Variants in CDK5RAP2 observed in about 807,000 individuals in gnomAD.
The protein encoded by CDK5RAP2 is CDK5 regulatory subunit associated protein 2.
In CDK5RAP2, 147 loss-of-function variants were observed where a neutral mutation model predicts 232.9. The ratio of observed to expected loss-of-function variants is 0.63; its 90% CI spans 0.55 to 0.72. The LOEUF is 0.72. CDK5RAP2 is among the 30% of genes least tolerant of loss of function. The pLI is 0.00. For synonymous variants in CDK5RAP2, 833 were observed against 833.7 expected, an observed-to-expected ratio of 1.00 and a Z score of 0.01; for missense variants, 2,195 against 2,231.5, an observed-to-expected ratio of 0.98 and a Z score of 0.33.
At chr9:120,446,265 T>A (rs2036182765) in intron 22 of CDK5RAP2, among the ~76,000 whole-genome samples, 1 of 152,204 alleles carries the variant, frequency 6.6e-6, no homozygotes, top group African/African-American at 2.4e-5. Flanking sequence ...TCCTACTTTT[T>A]TTTTTTGAGA....
intron 23 of CDK5RAP2, chr9:120,440,219 T>C: frequency 1.8e-6 from 1 of 553,892 alleles, no homozygotes; most frequent in East Asian, 3.1e-5. Flanking sequence ...GTGACTGTTC[T>C]AAAAAGTAAT....
At chr9:120,401,150 T>C (rs1436847665) in intron 34 of CDK5RAP2, 3 of 462,106 alleles carry the variant, frequency 6.5e-6, no homozygotes, top group Non-Finnish European at 1.2e-5. Flanking sequence ...TAACTACAGT[T>C]ACTACTCCAA....
At chr9:120,579,573 C>A (rs1445466259) in intron 1 of CDK5RAP2, among the ~76,000 whole-genome samples, 1 of 152,200 alleles carries the variant, frequency 6.6e-6, no homozygotes, top group Non-Finnish European at 1.5e-5. Context: ...CCAGAAGGAA[C>A]CATCAGGTGC....
chr9:120,412,323 C>T (rs1334732513), intron 28 of CDK5RAP2, among the ~76,000 whole-genome samples: 1 of 152,204 alleles, frequency 6.6e-6, no homozygotes, highest in African/African-American at 2.4e-5. Context: ...CCTCCCTGTC[C>T]TCCACACTCA....
At chr9:120,464,808 A>G (rs1164870422) in intron 18 of CDK5RAP2, among the ~76,000 whole-genome samples, 1 of 152,228 alleles carries the variant, frequency 6.6e-6, no homozygotes, top group African/African-American at 2.4e-5. Context: ...TGCATACCAT[A>G]TGCCAGAACT....
intron 3 of CDK5RAP2, among the ~76,000 whole-genome samples, chr9:120,562,642 C>T (rs1206724920): frequency 6.6e-6 from 1 of 151,948 alleles, no homozygotes; most frequent in African/African-American, 2.4e-5. Context: ...CTTAGCCTCA[C>T]CTTGCCCTCA....
intron 14 of CDK5RAP2, among the ~76,000 whole-genome samples, chr9:120,479,077 T>C (rs1346176616): frequency 6.6e-6 from 1 of 152,086 alleles, no homozygotes; most frequent in African/African-American, 2.4e-5. Flanking sequence ...TTGGAAAGGC[T>C]CCCACAAGCC....
intron 16 of CDK5RAP2, among the ~76,000 whole-genome samples, chr9:120,470,566 A>T (rs1047286743): frequency 1.3e-5 from 2 of 152,152 alleles, no homozygotes; most frequent in South Asian, 4.1e-4. Flanking sequence ...TGAGGGACTG[A>T]TTCTGTTTAG....
intron 12 of CDK5RAP2, among the ~76,000 whole-genome samples, chr9:120,506,438 C>A (rs2039816182): frequency 6.6e-6 from 1 of 152,226 alleles, no homozygotes; most frequent in African/African-American, 2.4e-5. Flanking sequence ...ATCCATTCCG[C>A]AACCCACAGA....
chr9:120,575,341 C>T (rs2042994916), intron 1 of CDK5RAP2, among the ~76,000 whole-genome samples: 2 of 152,178 alleles, frequency 1.3e-5, no homozygotes. Context: ...GCGTGAGCCA[C>T]CGCGCCCAGC....
intron 9 of CDK5RAP2, 91 bp from the exon 10 acceptor site, chr9:120,528,016 T>C: frequency 6.9e-7 from 1 of 1,454,628 alleles, no homozygotes; most frequent in Non-Finnish European, 9.5e-7. Context: ...TCAAATGCAG[T>C]TATTCTATCT....
At chr9:120,448,396 G>T (rs2036309768) in intron 21 of CDK5RAP2, among the ~76,000 whole-genome samples, 1 of 152,114 alleles carries the variant, frequency 6.6e-6, no homozygotes, top group Non-Finnish European at 1.5e-5. Context: ...TCCATAAATG[G>T]CAGTTCTTCT....
Position 120,471,741 on chromosome 9 carries a change from T to C in CDK5RAP2, c.1858+7A>G. 6.2e-7 allele frequency: 1 copy of C among 1,614,034 alleles called. No individual in the cohort carries two copies. The highest frequency in any genetic ancestry group is 1.7e-4 in the Middle Eastern group (1 of 6,060). ...CCAAAGAGAAGCACATAGAATAAAG[T>C]GTGTACCTTCCCGCCTCCGAATTTC... On this transcript the variant is annotated splice_region_variant and intron_variant, in intron 16 of 37. Coordinates refer to ENST00000349780, the MANE Select transcript of CDK5RAP2 (RefSeq NM_018249.6).
chr9:120,401,942 C>T (rs1307970729), intron 34 of CDK5RAP2, among the ~76,000 whole-genome samples: 1 of 151,932 alleles, frequency 6.6e-6, no homozygotes, highest in African/African-American at 2.4e-5. Context: ...CAAGATCGCA[C>T]CACTGAACTC....
At chr9:120,541,835 C>A (rs1377051921) in intron 5 of CDK5RAP2, among the ~76,000 whole-genome samples, 1 of 152,206 alleles carries the variant, frequency 6.6e-6, no homozygotes, top group Non-Finnish European at 1.5e-5. Context: ...TAGCTCCCTC[C>A]CTCGACCCTT....
In CDK5RAP2 at chr9:120,415,155, T is replaced by C; in HGVS notation, c.4182A>G (p.Leu1394=). The C allele has an allele frequency of 1.2e-6, 2 of 1,614,036 alleles. No individual in the cohort carries two copies. Among genetic ancestry groups the C allele is most frequent in the African/African-American group, 1.3e-5 (1 of 75,066 alleles). ...SVMVNSFSQD[L]LMEHIQEIRT... ...GAATTTCCTGTATGTGTTCCATTAGTAAGTCTACAGGAAGGAAGCCATTTT... is the reference window on the plus strand; with the variant it reads ...GAATTTCCTGTATGTGTTCCATTAGCAAGTCTACAGGAAGGAAGCCATTTT... The change falls in exon 28 of 38, where the codon TTA becomes TTG. Residue 1394 remains leucine (L), a synonymous_variant. Coordinates refer to ENST00000349780, the MANE Select transcript of CDK5RAP2 (RefSeq NM_018249.6).
intron 19 of CDK5RAP2, 93 bp from the exon 20 acceptor site, chr9:120,458,715 G>A (rs1007692127): frequency 1.7e-5 from 20 of 1,154,732 alleles, no homozygotes; most frequent in South Asian, 1.2e-4. Flanking sequence ...AAGTGAGTAA[G>A]TGAAAATAAG....
chr9:120,566,699 G>A (rs1435007934), intron 3 of CDK5RAP2, among the ~76,000 whole-genome samples: 2 of 152,232 alleles, frequency 1.3e-5, no homozygotes, highest in East Asian at 3.8e-4. Flanking sequence ...GTACAGAGAG[G>A]TTAAGTGACC....
chr9:120,528,704 C>A (rs754023964), intron 9 of CDK5RAP2, 40 bp downstream of exon 9: 2 of 1,303,604 alleles, frequency 1.5e-6, no homozygotes, highest in South Asian at 2.4e-5. Flanking sequence ...CAAGAATAGG[C>A]TAAATCTTCA....
Sources: gnomAD v4.1 joint callset for allele counts (sites outside exome capture counted in the v4.1 genomes callset) on GRCh38, gnomAD v4.1.1 for gene constraint, MANE v1.5 for transcripts, NCBI Gene and HGNC (gene_info 2026-07-23, HGNC 2026-07-21) for gene names.